Variants in KIF21A observed in about 807,000 individuals in gnomAD.
KIF21A encodes the protein kinesin family member 21A, also known as kinesin-like protein KIF21A.
In KIF21A, 114 loss-of-function variants were observed where a neutral mutation model predicts 202.9. That is an observed-to-expected ratio of 0.56 (90% CI 0.48 to 0.66). The LOEUF (loss-of-function observed/expected upper bound fraction) is 0.66, where lower values mean the gene tolerates loss of function less well. Among genes scored for constraint, KIF21A ranks in the 30% least tolerant of loss-of-function variants. The pLI, the probability that KIF21A is intolerant of heterozygous loss-of-function variation, is 0.00. For missense variants in KIF21A, 1,677 were observed against 1,994.9 expected (o/e 0.84, Z 3.04); for synonymous variants, 667 against 670.8 (o/e 0.99, Z 0.09).
At chr12:39,401,608 A>G (rs1952177910) in intron 1 of KIF21A, among the ~76,000 whole-genome samples, 2 of 152,206 alleles carry the variant, frequency 1.3e-5, no homozygotes, top group African/African-American at 4.8e-5. Context: ...CAGTGTGGCC[A>G]GAAAGAACTT....
chr12:39,342,610 C>G (rs1396677840), intron 12 of KIF21A, among the ~76,000 whole-genome samples: 1 of 152,160 alleles, frequency 6.6e-6, no homozygotes, highest in Non-Finnish European at 1.5e-5. Context: ...GTAAGCTTGT[C>G]TACACTAGCT....
At chr12:39,316,696 C>T (rs1944582382) in intron 29 of KIF21A, among the ~76,000 whole-genome samples, 1 of 152,088 alleles carries the variant, frequency 6.6e-6, no homozygotes, top group African/African-American at 2.4e-5. Flanking sequence ...TAACCTGAAA[C>T]AATGTGGGAG....
At chr12:39,439,806 T>C (rs1211079998) in intron 1 of KIF21A, among the ~76,000 whole-genome samples, 2 of 152,172 alleles carry the variant, frequency 1.3e-5, no homozygotes, top group Non-Finnish European at 2.9e-5. Flanking sequence ...ATAAAAATTG[T>C]TCTCCCTAAA....
chr12:39,305,005 C>T, intron 34 of KIF21A, 67 bp from the exon 35 acceptor site: 3 of 760,514 alleles, frequency 3.9e-6, no homozygotes, highest in Non-Finnish European at 7.0e-6. Context: ...TAAGCCTCAA[C>T]ATAAACGATC....
rs370691140 is a variant in KIF21A at position 39,294,485 on chromosome 12, T to C, written c.4964A>G (p.Asn1655Ser). The C allele has an allele frequency of 2.6e-5, 42 of 1,613,850 alleles. No homozygotes were observed. Among genetic ancestry groups the C allele is most frequent in the Non-Finnish European group, 3.4e-5 (40 of 1,179,858 alleles). The change falls in exon 38 of 38, where the codon AAT becomes AGT. Residue 1655 changes from asparagine to serine, a missense_variant. By Grantham distance (46) the Asn-to-Ser change is conservative. This residue lies in a region of KIF21A where 705 missense variants were observed against 791.9 expected (regional missense o/e 0.89). Transcript: ENST00000361418. ...GTCAGAGATCTGACCATCTTGCAAA[T>C]TGCGAGCCTTCCAAATTCTCACAGT... ...DRTVRIWKAR[N>S]LQDGQISDTG...
chr12:39,428,512 A>G (rs1954936032), intron 1 of KIF21A, among the ~76,000 whole-genome samples: 1 of 152,240 alleles, frequency 6.6e-6, no homozygotes, highest in Non-Finnish European at 1.5e-5. Flanking sequence ...AAACAGAGTC[A>G]CAAATAATTG....
At chr12:39,381,898 T>C (rs1756692628) in intron 1 of KIF21A, among the ~76,000 whole-genome samples, 4 of 152,208 alleles carry the variant, frequency 2.6e-5, no homozygotes, top group Admixed American at 2.6e-4. Flanking sequence ...GACATATTTC[T>C]GCTGGACTGC....
At chr12:39,394,198 T>G (rs1951569234) in intron 1 of KIF21A, among the ~76,000 whole-genome samples, 1 of 152,236 alleles carries the variant, frequency 6.6e-6, no homozygotes, top group Admixed American at 6.5e-5. Context: ...CTGAAAGTCT[T>G]GCAGAGCATG....
At chr12:39,329,735 A>G (rs1946336439) in intron 24 of KIF21A, among the ~76,000 whole-genome samples, 1 of 152,160 alleles carries the variant, frequency 6.6e-6, no homozygotes, top group Non-Finnish European at 1.5e-5. Context: ...TATTGTTTCA[A>G]CCTGTTCAGG....
intron 28 of KIF21A, among the ~76,000 whole-genome samples, chr12:39,318,779 G>C (rs1173640337): frequency 2.0e-5 from 3 of 152,098 alleles, no homozygotes; most frequent in Non-Finnish European, 4.4e-5. Flanking sequence ...CAGAGATTGA[G>C]AGCATCCTGG....
rs768314730 is a variant in KIF21A at position 39,369,800 on chromosome 12, C to A, written c.379G>T (p.Glu127Ter). 20 of 1,610,950 alleles carry A rather than the reference C, an allele frequency of 1.2e-5. No individual in the cohort carries two copies. In the South Asian group the frequency reaches 2.1e-4, roughly 17 times the overall value. ...TTTTTAATTGCTATGTGTTTTTTTT[C>A]TTCAATACTCTTAAAAAGGTGTTTA... is the stretch of plus-strand genomic sequence containing the variant. Reference protein sequence around the residue: ...AVKHLFKSIEEKKHIAIKNGL... With the variant: ...AVKHLFKSIE Residue 127 changes from glutamate (E) to a stop codon, truncating the protein, a stop_gained, in exon 3 of 38, where the codon GAA becomes TAA. Transcript: ENST00000361418. LOFTEE classifies it high-confidence loss of function.
intron 17 of KIF21A, among the ~76,000 whole-genome samples, chr12:39,336,494 T>C (rs1041886246): frequency 6.6e-6 from 1 of 152,176 alleles, no homozygotes; most frequent in Non-Finnish European, 1.5e-5. Context: ...GAATGTACCA[T>C]AATTTCTTTA....
intron 22 of KIF21A, among the ~76,000 whole-genome samples, chr12:39,331,156 T>C (rs1301702207): frequency 2.0e-5 from 3 of 151,910 alleles, no homozygotes; most frequent in African/African-American, 4.8e-5. Flanking sequence ...TCTTAGCACA[T>C]TGTGAAAATT....
chr12:39,331,385 C>T (rs998156443), intron 22 of KIF21A, among the ~76,000 whole-genome samples: 1 of 151,998 alleles, frequency 6.6e-6, no homozygotes, highest in African/African-American at 2.4e-5. Flanking sequence ...AGTTATGATA[C>T]CAAATTTGTT....
chr12:39,365,530 G>A (rs537069132), intron 6 of KIF21A, among the ~76,000 whole-genome samples: 2 of 152,294 alleles, frequency 1.3e-5, no homozygotes, highest in African/African-American at 4.8e-5. Flanking sequence ...ATCACAAGGA[G>A]TTTTCCAATC....
In KIF21A at chr12:39,367,203, T is replaced by C. The variant is rs765887402; in HGVS notation, c.601-39A>G. ...AGAAACAAGGACTTTACTTGAACAA[T>C]AAACAAGATACTATACAATCCAAAG... On this transcript the variant is annotated intron_variant, in intron 4 of 37. Transcript: ENST00000361418. 4.3e-6 allele frequency: 7 copies of C among 1,609,528 alleles called. No individual in the cohort carries two copies. The East Asian group carries it at 1.3e-4, about 31-fold the overall frequency.
At chr12:39,328,268 A>T (rs567378040) in intron 24 of KIF21A, among the ~76,000 whole-genome samples, 1 of 150,724 alleles carries the variant, frequency 6.6e-6, no homozygotes, top group South Asian at 2.1e-4. Flanking sequence ...TACATATGTC[A>T]CCCCCCCCAG....
At chr12:39,315,014 T>C (rs933570515) in intron 31 of KIF21A, among the ~76,000 whole-genome samples, 1 of 152,084 alleles carries the variant, frequency 6.6e-6, no homozygotes, top group Non-Finnish European at 1.5e-5. Context: ...ATTAGAAACA[T>C]ACAGCCATGG....
intron 1 of KIF21A, among the ~76,000 whole-genome samples, chr12:39,397,659 G>A (rs1951860092): frequency 6.6e-6 from 1 of 152,174 alleles, no homozygotes; most frequent in Admixed American, 6.5e-5. Flanking sequence ...GTGAAATTCA[G>A]GTTCCTGAGC....
Sources: allele counts gnomAD v4.1 joint callset (sites outside exome capture counted in the v4.1 genomes callset), GRCh38; gene constraint gnomAD v4.1.1; regional missense constraint gnomAD v4.1.1; transcripts MANE v1.5; gene names NCBI Gene and HGNC (gene_info 2026-07-23, HGNC 2026-07-21).